The following TDRD7 variants were observed in gnomAD, a reference collection of about 807,000 sequenced individuals.
The protein encoded by TDRD7 is tudor domain containing 7.
A neutral mutation model predicts 109.8 loss-of-function variants in TDRD7; 47 were observed. The observed-to-expected ratio is 0.43, with a 90% CI of 0.34 to 0.55. TDRD7 has a LOEUF of 0.55. Among genes scored for constraint, TDRD7 ranks in the 20% least tolerant of loss-of-function variants. The pLI, the probability that TDRD7 is intolerant of heterozygous loss-of-function variation, is 0.03. For synonymous variants in TDRD7, 424 were observed against 457.3 expected (o/e 0.93, Z 0.93); for missense variants, 1,164 against 1,319.2 (o/e 0.88, Z 1.82).
rs565511540 is a variant in TDRD7, at chr9:97,419,976, C to T, written c.-7+7738C>T. 7.5e-4 allele frequency among the ~76,000 whole-genome samples: 114 copies of T among 152,074 alleles called. 1 individual carries two copies. The highest frequency in any genetic ancestry group is 2.7e-3 in the African/African-American group (114 of 41,474). ...CTATAAGTTGAGGATAATAGCCTCCCAGCATTATTATAGATACTAGATTTT... is the reference window on the plus strand; with the variant it reads ...CTATAAGTTGAGGATAATAGCCTCCTAGCATTATTATAGATACTAGATTTT... On this transcript the variant is annotated intron_variant, in intron 1 of 16. Coordinates refer to ENST00000355295, the MANE Select transcript of TDRD7 (RefSeq NM_014290.3).
intron 4 of TDRD7, among the ~76,000 whole-genome samples, chr9:97,434,452 T>C (rs1471751961): frequency 6.6e-6 from 1 of 152,160 alleles, no homozygotes; most frequent in African/African-American, 2.4e-5. Context: ...GTTAATGATA[T>C]ATTGTGTACT....
chr9:97,461,420 A>G (rs1189659188), intron 7 of TDRD7, among the ~76,000 whole-genome samples: 1 of 152,236 alleles, frequency 6.6e-6, no homozygotes, highest in Admixed American at 6.5e-5. Flanking sequence ...GTATTTCCTA[A>G]AAGTAAAAAT....
At chr9:97,440,638 T>G (rs1040356251) in intron 5 of TDRD7, among the ~76,000 whole-genome samples, 3 of 152,128 alleles carry the variant, frequency 2.0e-5, no homozygotes, top group Non-Finnish European at 4.4e-5. Flanking sequence ...AGCGTCCAAG[T>G]GTCCTCAAGG....
In TDRD7 at chr9:97,428,594, G is replaced by C; in HGVS notation, c.129G>C (p.Gln43His). 6.2e-7 allele frequency: 1 copy of C among 1,613,680 alleles called. No homozygotes were observed. Among genetic ancestry groups the C allele is most frequent in the Non-Finnish European group, 8.5e-7 (1 of 1,179,848 alleles). ...CTGGAGACTGGATCCCCTTCAAACAGCTAGGTTTCCCTACACTAGAAGCCT... is the reference window on the plus strand; with the variant it reads ...CTGGAGACTGGATCCCCTTCAAACACCTAGGTTTCCCTACACTAGAAGCCT... ...SLTGDWIPFKQLGFPTLEAYL... is the reference protein window; with the variant it reads ...SLTGDWIPFKHLGFPTLEAYL... The change falls in exon 2 of 17, where the codon CAG becomes CAC. Residue 43 changes from glutamine to histidine, a missense_variant. By Grantham distance (24) the Gln-to-His change is conservative. This residue lies in a region of TDRD7 where 101 missense variants were observed against 148.5 expected (regional missense o/e 0.68). Transcript: ENST00000355295.
chr9:97,415,736 T>C (rs1587854166), intron 1 of TDRD7, among the ~76,000 whole-genome samples: 1 of 152,164 alleles, frequency 6.6e-6, no homozygotes, highest in Non-Finnish European at 1.5e-5. Context: ...GAGGTTGCAG[T>C]GAGCCAAGAT....
chr9:97,482,366 T>C (rs781172487), intron 14 of TDRD7, among the ~76,000 whole-genome samples: 21 of 152,120 alleles, frequency 1.4e-4, no homozygotes, highest in Non-Finnish European at 2.9e-4. Flanking sequence ...TTGTCAGAGC[T>C]TTTTCCTTCC....
At chr9:97,429,193 A>G (rs1375130582) in intron 2 of TDRD7, among the ~76,000 whole-genome samples, 2 of 152,222 alleles carry the variant, frequency 1.3e-5, no homozygotes, top group East Asian at 3.9e-4. Context: ...TCACACCAAT[A>G]TGATCATATC....
At chr9:97,434,561 T>G (rs1193179376) in intron 4 of TDRD7, among the ~76,000 whole-genome samples, 3 of 152,172 alleles carry the variant, frequency 2.0e-5, no homozygotes, top group Non-Finnish European at 4.4e-5. Context: ...CATTCCACAG[T>G]GTACACGTAT....
rs1395385499 is a variant in TDRD7 at position 97,495,827 on chromosome 9, A to T, written c.3241A>T (p.Thr1081Ser). 6.2e-7 allele frequency: 1 copy of T among 1,614,220 alleles called. No homozygotes were observed. The highest frequency in any genetic ancestry group is 1.3e-5 in the African/African-American group (1 of 75,044). Residue 1081 changes from threonine to serine, a missense_variant, in exon 17 of 17, where the codon ACC becomes TCC. Transcript: ENST00000355295. Reference sequence around the variant, plus strand: ...GGACACATCGTTGCCAGACACCGATACCTGGATTCATGATTTTATGTCAGA... The same window carrying T: ...GGACACATCGTTGCCAGACACCGATTCCTGGATTCATGATTTTATGTCAGA... ...LVDTSLPDTD[T>S]WIHDFMSEYL...
At chr9:97,444,140 G>T (rs186052542) in intron 6 of TDRD7, among the ~76,000 whole-genome samples, 1 of 152,002 alleles carries the variant, frequency 6.6e-6, no homozygotes, top group Admixed American at 6.6e-5. Flanking sequence ...ACAACTGACT[G>T]TTTTTTTGGT....
At chr9:97,465,981 C>T (rs898562414) in intron 8 of TDRD7, among the ~76,000 whole-genome samples, 3 of 152,098 alleles carry the variant, frequency 2.0e-5, no homozygotes, top group African/African-American at 7.2e-5. Flanking sequence ...TTATACAGAG[C>T]GCTCTTGGAC....
At chr9:97,489,588 T>C (rs551665099) in intron 16 of TDRD7, among the ~76,000 whole-genome samples, 1 of 152,192 alleles carries the variant, frequency 6.6e-6, no homozygotes, top group African/African-American at 2.4e-5. Flanking sequence ...TATTTTTTTT[T>C]ATTTACTCTG....
intron 1 of TDRD7, among the ~76,000 whole-genome samples, chr9:97,416,630 C>T (rs1483598555): frequency 6.6e-6 from 1 of 152,158 alleles, no homozygotes; most frequent in African/African-American, 2.4e-5. Flanking sequence ...TGATTCTCAA[C>T]CACAGTTTGG....
At chr9:97,420,582 A>C (rs1194603476) in intron 1 of TDRD7, among the ~76,000 whole-genome samples, 1 of 152,138 alleles carries the variant, frequency 6.6e-6, no homozygotes, top group Non-Finnish European at 1.5e-5. Flanking sequence ...ATAATATAAG[A>C]GTCATGCATG....
chr9:97,448,355 T>A (rs1828435785), intron 6 of TDRD7, among the ~76,000 whole-genome samples: 1 of 152,208 alleles, frequency 6.6e-6, no homozygotes. Context: ...TCTGTCCTGA[T>A]CAGTGCATCT....
At chr9:97,455,535 A>G (rs531219392) in intron 6 of TDRD7, among the ~76,000 whole-genome samples, 1 of 152,352 alleles carries the variant, frequency 6.6e-6, no homozygotes, top group South Asian at 2.1e-4. Flanking sequence ...TAAATCAGTA[A>G]ATGTAATCCA....
chr9:97,413,231 C>G (rs910397678), intron 1 of TDRD7, among the ~76,000 whole-genome samples: 4 of 152,198 alleles, frequency 2.6e-5, no homozygotes, highest in Admixed American at 2.6e-4. Flanking sequence ...AACTTGGACC[C>G]AAATCCCTGT....
At chr9:97,443,504 TCAGTTTTTTC>T (rs573528821) in intron 6 of TDRD7, among the ~76,000 whole-genome samples, 2 of 152,216 alleles carry the variant, frequency 1.3e-5, no homozygotes, top group Admixed American at 6.5e-5. Flanking sequence ...TCAGTTCAGT[TCAGTTTTTTC>T]CAGTTTTTTT....
In TDRD7 at chr9:97,412,393, G is replaced by C. The variant is rs904644371; in HGVS notation, c.-7+155G>C. On this transcript the variant is annotated intron_variant, in intron 1 of 16. Coordinates refer to ENST00000355295, the MANE Select transcript of TDRD7 (RefSeq NM_014290.3). The surrounding 1 kb of genome is among the most constrained non-coding windows in gnomAD (Gnocchi z 4.3). ...GGGCCTTTTCCCTGCAGCCGCAGGGGATTGCCCCCGCCCCGACGCCTGGGA... is the reference window on the plus strand; with the variant it reads ...GGGCCTTTTCCCTGCAGCCGCAGGGCATTGCCCCCGCCCCGACGCCTGGGA... 6.6e-6 allele frequency among the ~76,000 whole-genome samples: 1 copy of C among 152,164 alleles called. No homozygotes were observed. Among genetic ancestry groups the C allele is most frequent in the Non-Finnish European group, 1.5e-5 (1 of 68,016 alleles).
Sources: gnomAD v4.1 joint callset for allele counts (sites outside exome capture counted in the v4.1 genomes callset) on GRCh38, gnomAD v4.1.1 for gene constraint, gnomAD v4.1.1 regional missense constraint, Gnocchi (gnomAD v3.1) non-coding constraint, MANE v1.5 for transcripts, NCBI Gene and HGNC (gene_info 2026-07-23, HGNC 2026-07-21) for gene names.